Variants in FSTL4 observed in about 807,000 individuals in gnomAD.
FSTL4 encodes follistatin like 4, also known as follistatin-related protein 4.
A neutral mutation model predicts 78.2 loss-of-function variants in FSTL4; 28 were observed. The ratio of observed to expected loss-of-function variants is 0.36; its 90% CI spans 0.27 to 0.49. FSTL4 has a LOEUF of 0.49. Ranked by LOEUF, FSTL4 falls within the 20% of genes least tolerant of loss-of-function variation. The probability of loss-of-function intolerance (pLI) is 0.98; values close to 1 mark genes in which losing one functional copy is unlikely to be tolerated. For missense variants in FSTL4, 922 were observed against 1,084.9 expected (o/e 0.85, Z 2.11); for synonymous variants, 422 against 440.5 (o/e 0.96, Z 0.53).
intron 3 of FSTL4, among the ~76,000 whole-genome samples, chr5:133,461,336 C>A (rs1757587474): frequency 6.6e-6 from 1 of 152,236 alleles, no homozygotes; most frequent in African/African-American, 2.4e-5. Flanking sequence ...TCTTCAAGAA[C>A]AGGGTGACTG....
At chr5:133,534,505 A>T (rs1759313101) in intron 3 of FSTL4, among the ~76,000 whole-genome samples, 1 of 152,174 alleles carries the variant, frequency 6.6e-6, no homozygotes, top group Non-Finnish European at 1.5e-5. Context: ...CTAGTGATGA[A>T]GTTTCAGATA....
chr5:133,196,877 G>A lies in FSTL4; in HGVS notation c.*2218C>T, dbSNP rs978313673. ...CTGACCTAGGCTTCAGGCCTGCTTC[G>A]ATTCAGTTGTGTCTGGCATGCTGTC... On this transcript the variant is annotated 3_prime_UTR_variant, in exon 16 of 16. Coordinates refer to ENST00000265342, the MANE Select transcript of FSTL4 (RefSeq NM_015082.2). 5 of 152,380 alleles carry A rather than the reference G, an allele frequency of 3.3e-5. No individual in the cohort carries two copies. Among genetic ancestry groups the A allele is most frequent in the South Asian group, 4.1e-4 (2 of 4,830 alleles). 9.4% of individuals were successfully genotyped at this position (152,380 alleles called of 1,614,324 possible). A position where few individuals can be genotyped will look rare whatever the true frequency, so the allele number is the denominator to read the frequency against.
chr5:133,273,021 A>G (rs1253603187), intron 6 of FSTL4, among the ~76,000 whole-genome samples: 1 of 152,228 alleles, frequency 6.6e-6, no homozygotes, highest in African/African-American at 2.4e-5. Context: ...TGGGCCATCA[A>G]GGGCCAGAGT....
chr5:133,389,645 G>A (rs752960353), intron 4 of FSTL4, among the ~76,000 whole-genome samples: 6 of 152,134 alleles, frequency 3.9e-5, no homozygotes, highest in Non-Finnish European at 5.9e-5. Flanking sequence ...TATCCAGAAA[G>A]GTTCTGCCCT....
At chr5:133,400,538 A>T (rs1756195694) in intron 4 of FSTL4, among the ~76,000 whole-genome samples, 200 bp downstream of exon 4, 1 of 152,200 alleles carries the variant, frequency 6.6e-6, no homozygotes, top group Non-Finnish European at 1.5e-5. Context: ...AGCTTCCTCT[A>T]AGGGCAGGGG....
chr5:133,740,582 T>C, the FSTL4 span, among the ~76,000 whole-genome samples: 36 of 152,172 alleles, frequency 2.4e-4, no homozygotes, highest in Non-Finnish European at 4.0e-4. Flanking sequence ...CTAATTTGAT[T>C]GGTGCTCTGT....
chr5:133,370,723 G>A (rs775151743), intron 4 of FSTL4, among the ~76,000 whole-genome samples: 14 of 152,110 alleles, frequency 9.2e-5, no homozygotes, highest in African/African-American at 1.2e-4. Context: ...GGGGAGAAGG[G>A]GTAGGCAGGT....
chr5:133,321,606 G>C (rs1754055116), intron 4 of FSTL4, among the ~76,000 whole-genome samples: 1 of 152,256 alleles, frequency 6.6e-6, no homozygotes, highest in African/African-American at 2.4e-5. Context: ...AGCACTTTGG[G>C]AGGCCGAGGC....
At chr5:133,752,574 T>C in the FSTL4 span, among the ~76,000 whole-genome samples, 1 of 152,068 alleles carries the variant, frequency 6.6e-6, no homozygotes, top group South Asian at 2.1e-4. Flanking sequence ...TGCGCCACTG[T>C]ACTCCAGCCT....
intron 3 of FSTL4, among the ~76,000 whole-genome samples, chr5:133,566,273 T>C (rs917074606): frequency 2.6e-5 from 4 of 152,220 alleles, no homozygotes; most frequent in Admixed American, 2.6e-4. Flanking sequence ...CAAAGCATGT[T>C]GATAACATAG....
intron 3 of FSTL4, chr5:133,427,485 G>A (rs1278674340): frequency 2.5e-6 from 1 of 402,748 alleles, no homozygotes; most frequent in East Asian, 5.9e-5. Context: ...GTAAGTGAAA[G>A]GGTGAGTGAG....
chr5:133,317,913 G>A (rs554815231), intron 4 of FSTL4, among the ~76,000 whole-genome samples: 8 of 152,280 alleles, frequency 5.3e-5, no homozygotes, highest in Admixed American at 2.0e-4. Context: ...GGAAGCTACT[G>A]GGGGGAAAGG....
the FSTL4 span, among the ~76,000 whole-genome samples, chr5:133,747,663 G>A: frequency 1.3e-5 from 2 of 152,196 alleles, no homozygotes; most frequent in Admixed American, 6.5e-5. Flanking sequence ...TAAGATCAGC[G>A]ATTAGAGAAT....
the FSTL4 span, among the ~76,000 whole-genome samples, chr5:133,769,140 C>T: frequency 5.9e-5 from 9 of 152,186 alleles, no homozygotes; most frequent in African/African-American, 2.2e-4. Flanking sequence ...CTTGATTCGC[C>T]CAGGTACACA....
intron 3 of FSTL4, among the ~76,000 whole-genome samples, chr5:133,428,295 G>C (rs1420133029): frequency 6.6e-6 from 1 of 152,148 alleles, no homozygotes; most frequent in East Asian, 1.9e-4. Context: ...CAGAAGTAGG[G>C]CCTGCTGCAC....
intron 3 of FSTL4, among the ~76,000 whole-genome samples, chr5:133,436,676 G>A (rs889005140): frequency 2.0e-5 from 3 of 152,032 alleles, no homozygotes; most frequent in East Asian, 1.9e-4. Flanking sequence ...AGTCATCCAC[G>A]GTAGTAGTAT....
rs554066107 is a variant in FSTL4, at chr5:133,575,204, A to G, written c.127-7985T>C. On this transcript the variant is annotated intron_variant, in intron 2 of 15. Coordinates refer to ENST00000265342, the MANE Select transcript of FSTL4 (RefSeq NM_015082.2). ...AAGACTGCAACTTGCTGAATTTCAC[A>G]TGAGAAGTGGCCACATCAGGACTAG... 16 of 152,338 alleles carry G rather than the reference A, an allele frequency of 1.1e-4. 1 individual carries two copies. In the South Asian group the frequency reaches 2.3e-3, roughly 22 times the overall value. 9.4% of individuals were successfully genotyped at this position (152,338 alleles called of 1,614,324 possible). A position where few individuals can be genotyped will look rare whatever the true frequency, so the allele number is the denominator to read the frequency against.
the FSTL4 span, among the ~76,000 whole-genome samples, chr5:133,833,246 T>C: frequency 2.0e-5 from 3 of 152,092 alleles, no homozygotes; most frequent in Non-Finnish European, 4.4e-5. Context: ...ATTTGGGAGG[T>C]TGTTACTGCA....
intron 3 of FSTL4, among the ~76,000 whole-genome samples, chr5:133,424,291 C>T (rs986090960): frequency 1.4e-4 from 22 of 152,098 alleles, no homozygotes; most frequent in African/African-American, 5.3e-4. Flanking sequence ...GAGGCCAGTT[C>T]GGAAGTTATC....
Sources: allele counts gnomAD v4.1 joint callset (sites outside exome capture counted in the v4.1 genomes callset), GRCh38; gene constraint gnomAD v4.1.1; transcripts MANE v1.5; gene names NCBI Gene and HGNC (gene_info 2026-07-23, HGNC 2026-07-21).